The following SIGLEC5 variants were observed in gnomAD, a reference collection of about 807,000 sequenced individuals.
The protein encoded by SIGLEC5 is sialic acid-binding Ig-like lectin 5.
In SIGLEC5, 34 loss-of-function variants were observed where a neutral mutation model predicts 45.9. The observed-to-expected ratio is 0.74, with a 90% CI of 0.56 to 0.99. SIGLEC5 has a LOEUF of 0.99. SIGLEC5 is among the 50% of genes least tolerant of loss of function. The pLI is 0.00. For synonymous variants in SIGLEC5, 203 were observed against 258.6 expected (o/e 0.79, Z 2.06); for missense variants, 508 against 629.6 (o/e 0.81, Z 2.07).
intron 8 of SIGLEC5, among the ~76,000 whole-genome samples, chr19:51,613,007 T>A (rs78608852): frequency 9.2e-5 from 14 of 152,316 alleles, no homozygotes; most frequent in African/African-American, 3.1e-4. Flanking sequence ...AGTAATAAAC[T>A]GCTTCTGTTA....
chr19:51,619,152 G>A (rs1983186166), intron 8 of SIGLEC5, among the ~76,000 whole-genome samples: 2 of 152,200 alleles, frequency 1.3e-5, no homozygotes, highest in South Asian at 4.1e-4. Flanking sequence ...TTGGCTCACT[G>A]CAACCTCCAC....
At position 51,620,904 on chromosome 19, in the gene SIGLEC5, T is replaced by TGAACTCCTGGCCTC. The variant is rs1485706806; in HGVS notation, c.1464+5114_1464+5127dup. 2.0e-5 allele frequency among the ~76,000 whole-genome samples: 3 copies of TGAACTCCTGGCCTC among 152,182 alleles called. No individual in the cohort carries two copies. In the East Asian group the frequency reaches 5.8e-4, roughly 29 times the overall value. The stretch of plus-strand genomic sequence containing the variant: ...GGCTCACTGTGTTATCCCCTGGCCT[T>TGAACTCCTGGCCTC]GAACTCCTGGCCTCAAGAGATCCTC... On this transcript the variant is annotated intron_variant, in intron 8 of 8. Transcript: ENST00000683636.
chr19:51,623,693 T>C (rs1600102430), intron 8 of SIGLEC5, among the ~76,000 whole-genome samples: 1 of 152,230 alleles, frequency 6.6e-6, no homozygotes, highest in Non-Finnish European at 1.5e-5. Flanking sequence ...ATAATTGCTT[T>C]GGAAAGCCAT....
chr19:51,614,448 A>G (rs536238143), intron 8 of SIGLEC5, among the ~76,000 whole-genome samples: 44 of 152,246 alleles, frequency 2.9e-4, no homozygotes, highest in Middle Eastern at 3.4e-3. Flanking sequence ...AGTTTTTTTA[A>G]AAGGACTCCG....
Position 51,627,265 on chromosome 19 carries a change from C to T in SIGLEC5, c.1283-17G>A, listed in dbSNP as rs755886635. On this transcript the variant is annotated splice_polypyrimidine_tract_variant and intron_variant, in intron 6 of 8. Coordinates refer to ENST00000683636, the MANE Select transcript of SIGLEC5 (RefSeq NM_003830.4). Reference sequence around the variant, plus strand: ...TCGATCTCCCTGCAGAAAAGAGGGGCGTGCAATAACTCACTCCCAGGACTC... The same window carrying T: ...TCGATCTCCCTGCAGAAAAGAGGGGTGTGCAATAACTCACTCCCAGGACTC... 1.1e-5 allele frequency: 17 copies of T among 1,605,146 alleles called. No individual in the cohort carries two copies. The highest frequency in any genetic ancestry group is 2.7e-5 in the African/African-American group (2 of 74,688).
intron 8 of SIGLEC5, among the ~76,000 whole-genome samples, chr19:51,625,640 C>T (rs1364970706): frequency 6.6e-6 from 1 of 152,018 alleles, no homozygotes; most frequent in African/African-American, 2.4e-5. Context: ...GAACTGCCTG[C>T]CTAACATGGC....
intron 8 of SIGLEC5, among the ~76,000 whole-genome samples, chr19:51,613,146 A>T (rs1982924289): frequency 6.6e-6 from 1 of 152,160 alleles, no homozygotes; most frequent in African/African-American, 2.4e-5. Flanking sequence ...GACACAGGTC[A>T]TAGGAAAGCT....
At chr19:51,626,160 G>A (rs1983472681) in intron 7 of SIGLEC5, 47 bp from the exon 8 acceptor site, 1 of 1,481,824 alleles carries the variant, frequency 6.7e-7, no homozygotes, top group Non-Finnish European at 9.4e-7. Context: ...CCCAGGCACG[G>A]GTTAGCGGGT....
At chr19:51,620,451 G>A (rs1296077235) in intron 8 of SIGLEC5, among the ~76,000 whole-genome samples, 1 of 152,222 alleles carries the variant, frequency 6.6e-6, no homozygotes, top group Non-Finnish European at 1.5e-5. Flanking sequence ...GAATGCAGGA[G>A]TAGTTTCATA....
rs539312908 is a variant in SIGLEC5, at chr19:51,621,447, T to C, written c.1464+4585A>G. On this transcript the variant is annotated intron_variant, in intron 8 of 8. Coordinates refer to ENST00000683636, the MANE Select transcript of SIGLEC5 (RefSeq NM_003830.4). ...CAAAAAAAGTGATTATTCAGGACAG[T>C]GGGTCATTTGTTGAAATCTGACATC... 5 of 152,340 alleles carry C rather than the reference T, an allele frequency of 3.3e-5. No homozygotes were observed. The South Asian group carries it at 1.0e-3, about 32-fold the overall frequency. The allele number at this position is 152,340 out of a possible 1,614,324, so 9.4% of individuals were successfully genotyped here.
intron 8 of SIGLEC5, among the ~76,000 whole-genome samples, chr19:51,625,802 C>T (rs1983454870): frequency 6.6e-6 from 1 of 152,134 alleles, no homozygotes; most frequent in African/African-American, 2.4e-5. Context: ...TGCACTCCAG[C>T]CTGGGTAACA....
intron 8 of SIGLEC5, among the ~76,000 whole-genome samples, chr19:51,618,570 T>C (rs182582963): frequency 6.7e-6 from 1 of 150,128 alleles, no homozygotes; most frequent in Admixed American, 6.6e-5. Flanking sequence ...GGTGGGCAGA[T>C]CACTTGAGCC....
intron 8 of SIGLEC5, among the ~76,000 whole-genome samples, chr19:51,624,072 T>C (rs568429646): frequency 3.3e-5 from 5 of 151,506 alleles, no homozygotes; most frequent in African/African-American, 1.2e-4. Context: ...GGCAGGAGAG[T>C]TGCTTGAACC....
At chr19:51,614,918 C>T (rs1052957467) in intron 8 of SIGLEC5, among the ~76,000 whole-genome samples, 5 of 152,078 alleles carry the variant, frequency 3.3e-5, no homozygotes, top group Non-Finnish European at 5.9e-5. Flanking sequence ...TGTAACAATC[C>T]GAGACAGATA....
At chr19:51,628,977 A>C in intron 4 of SIGLEC5, 61 bp downstream of exon 4, 1 of 1,470,338 alleles carries the variant, frequency 6.8e-7, no homozygotes, top group African/African-American at 1.4e-5. Context: ...CTGATTCTCT[A>C]CCTCTGCTCA....
At chr19:51,615,342 G>C (rs73050872) in intron 8 of SIGLEC5, among the ~76,000 whole-genome samples, 7,735 of 152,176 alleles carry the variant, frequency 0.051, 305 homozygotes, top group East Asian at 0.19. Flanking sequence ...AGAACTGGGC[G>C]GGGGGACAGC....
intron 4 of SIGLEC5, among the ~76,000 whole-genome samples, chr19:51,628,750 A>C (rs909963349): frequency 7.7e-6 from 1 of 129,714 alleles, no homozygotes; most frequent in African/African-American, 2.9e-5. Flanking sequence ...GCCTGTGTGC[A>C]TGTGTGTGTG....
chr19:51,628,556 A>C (rs1983590551), intron 4 of SIGLEC5, among the ~76,000 whole-genome samples: 1 of 152,180 alleles, frequency 6.6e-6, no homozygotes, highest in Non-Finnish European at 1.5e-5. Flanking sequence ...TGCTTTGAGC[A>C]GAGTGCATGA....
intron 3 of SIGLEC5, 93 bp from the exon 4 acceptor site, chr19:51,629,169 C>T: frequency 6.5e-7 from 1 of 1,540,762 alleles, no homozygotes; most frequent in Non-Finnish European, 8.9e-7. Flanking sequence ...CAGAAACCCA[C>T]CAAGCGGGGA....
Sources: gnomAD v4.1 joint callset for allele counts (sites outside exome capture counted in the v4.1 genomes callset) on GRCh38, gnomAD v4.1.1 for gene constraint, MANE v1.5 for transcripts, NCBI Gene and HGNC (gene_info 2026-07-23, HGNC 2026-07-21) for gene names.